SOX6: variants seen among roughly 807,000 people sequenced by gnomAD.
SOX6 encodes the protein transcription factor SOX-6.
Under a neutral mutation model 97.8 loss-of-function variants are expected in SOX6, and 11 were observed. The ratio of observed to expected loss-of-function variants is 0.11; its 90% CI spans 0.07 to 0.19. The LOEUF (loss-of-function observed/expected upper bound fraction) is 0.19, where lower values mean the gene tolerates loss of function less well. Among genes scored for constraint, SOX6 ranks in the 10% least tolerant of loss-of-function variants. The probability of loss-of-function intolerance (pLI) is 1.00; values close to 1 mark genes in which losing one functional copy is unlikely to be tolerated. For synonymous variants in SOX6, 360 were observed against 371.4 expected (o/e 0.97, Z 0.35); for missense variants, 810 against 1,039.5 (o/e 0.78, Z 3.04).
chr11:16,678,339 G>C (rs559333390), intron 3 of SOX6, among the ~76,000 whole-genome samples: 23 of 152,140 alleles, frequency 1.5e-4, no homozygotes, highest in African/African-American at 5.3e-4. Context: ...GTTTTAACAT[G>C]TTATGTTTTC....
At chr11:16,499,172 C>A (rs1470647174) in intron 4 of SOX6, among the ~76,000 whole-genome samples, 1 of 152,182 alleles carries the variant, frequency 6.6e-6, no homozygotes, top group African/African-American at 2.4e-5. Context: ...AACCACTCAA[C>A]CACATGGAAA....
At chr11:16,591,644 T>C (rs1848155252) in intron 4 of SOX6, among the ~76,000 whole-genome samples, 1 of 152,142 alleles carries the variant, frequency 6.6e-6, no homozygotes, top group East Asian at 1.9e-4. Flanking sequence ...TTCTAACCTG[T>C]TTAGTGATGT....
intron 3 of SOX6, among the ~76,000 whole-genome samples, chr11:16,252,872 A>C (rs953209147): frequency 6.6e-6 from 1 of 152,154 alleles, no homozygotes; most frequent in African/African-American, 2.4e-5. Flanking sequence ...TCACAGTCTG[A>C]AGACACAGGC....
intron 1 of SOX6, among the ~76,000 whole-genome samples, chr11:16,439,873 T>C (rs548593143): frequency 1.3e-5 from 2 of 152,286 alleles, no homozygotes; most frequent in South Asian, 2.1e-4. Context: ...ATTCAAGACC[T>C]CACTACACCT....
intron 2 of SOX6, among the ~76,000 whole-genome samples, chr11:16,735,306 T>C (rs114330930): frequency 2.0e-3 from 309 of 152,292 alleles, no homozygotes; most frequent in African/African-American, 7.0e-3. Context: ...CACTGGACAC[T>C]AACCATCACT....
chr11:16,167,962 C>G (rs1022633165), intron 6 of SOX6, among the ~76,000 whole-genome samples: 16 of 152,044 alleles, frequency 1.1e-4, no homozygotes, highest in Non-Finnish European at 1.2e-4. Context: ...CCTCAAAGAC[C>G]AAAGGAGTAT....
At chr11:16,142,158 C>T (rs547032135) in intron 6 of SOX6, among the ~76,000 whole-genome samples, 2 of 152,214 alleles carry the variant, frequency 1.3e-5, no homozygotes, top group South Asian at 4.2e-4. Context: ...ACAAAGCTTC[C>T]AGAGGAACGA....
chr11:16,611,316 C>T (rs993079839), intron 4 of SOX6, among the ~76,000 whole-genome samples: 2 of 152,236 alleles, frequency 1.3e-5, no homozygotes, highest in Non-Finnish European at 2.9e-5. Context: ...AGACTCCTTA[C>T]ACCATCCGGG....
At chr11:16,516,535 G>A (rs1488971347) in intron 4 of SOX6, among the ~76,000 whole-genome samples, 1 of 152,018 alleles carries the variant, frequency 6.6e-6, no homozygotes, top group Non-Finnish European at 1.5e-5. Context: ...TACCATCAGA[G>A]AATACTACAA....
intron 7 of SOX6, among the ~76,000 whole-genome samples, chr11:16,101,252 G>C (rs1298049574): frequency 6.6e-6 from 1 of 151,638 alleles, no homozygotes; most frequent in Non-Finnish European, 1.5e-5. Context: ...AATGCCATAA[G>C]TCTGAATTTG....
chr11:16,157,646 T>C (rs1215748467), intron 6 of SOX6, among the ~76,000 whole-genome samples: 1 of 152,018 alleles, frequency 6.6e-6, no homozygotes, highest in African/African-American at 2.4e-5. Flanking sequence ...CTTTAAACTA[T>C]TGTTCTTAAT....
intron 4 of SOX6, among the ~76,000 whole-genome samples, chr11:16,205,520 A>C (rs1017936801): frequency 6.6e-6 from 1 of 152,128 alleles, no homozygotes; most frequent in Non-Finnish European, 1.5e-5. Flanking sequence ...AAATAACAAG[A>C]AATTATAATT....
rs1423477267 is a variant in SOX6, at chr11:16,373,905, G to A, written c.-4-32653C>T. On this transcript the variant is annotated intron_variant, in intron 1 of 15. Transcript: ENST00000396356. ...GAAGGAAGGGAGGGAGGGAGGAAGG[G>A]AGGGAGAAGGGGAAGGGAGGGAGAA... Among the ~76,000 whole-genome samples the A allele has an allele frequency of 3.6e-5, 5 of 138,184 alleles. No homozygotes were observed. In the Admixed American group the frequency reaches 3.6e-4, roughly 10 times the overall value. 90.7% of individuals were successfully genotyped at this position (138,184 alleles called of 152,430 possible). A position where few individuals can be genotyped will look rare whatever the true frequency, so the allele number is the denominator to read the frequency against.
intron 6 of SOX6, among the ~76,000 whole-genome samples, chr11:16,136,069 A>G (rs982278500): frequency 7.9e-5 from 12 of 152,150 alleles, no homozygotes; most frequent in Non-Finnish European, 1.8e-4. Flanking sequence ...GCAAGGCTGC[A>G]GTGCAGTGGC....
chr11:16,154,360 G>T (rs915377778), intron 6 of SOX6, among the ~76,000 whole-genome samples: 1 of 152,016 alleles, frequency 6.6e-6, no homozygotes, highest in African/African-American at 2.4e-5. Context: ...AACATGCTGC[G>T]ACAAATTACA....
At chr11:16,574,988 T>C (rs4756855) in intron 4 of SOX6, among the ~76,000 whole-genome samples, 148,092 of 151,122 alleles carry the variant, frequency 0.98, 72,644 homozygotes, top group East Asian at 1. Flanking sequence ...TGCAGTGAGC[T>C]GAGATCACAC....
At chr11:16,047,251 G>A (rs1307515850) in intron 11 of SOX6, among the ~76,000 whole-genome samples, 2 of 152,082 alleles carry the variant, frequency 1.3e-5, no homozygotes, top group African/African-American at 4.8e-5. Flanking sequence ...AGAGGGGGCG[G>A]AAGGAATTCA....
chr11:16,002,213 A>G (rs920348273), intron 13 of SOX6, among the ~76,000 whole-genome samples: 1 of 152,208 alleles, frequency 6.6e-6, no homozygotes, highest in African/African-American at 2.4e-5. Context: ...CAAAGGGGCT[A>G]TACTAAAGCC....
chr11:16,440,606 T>A (rs996698927), intron 1 of SOX6, among the ~76,000 whole-genome samples: 1 of 152,204 alleles, frequency 6.6e-6, no homozygotes, highest in Admixed American at 6.5e-5. Context: ...AGTCAGTGTC[T>A]AAAATAGTAC....
Sources: allele counts gnomAD v4.1 joint callset (sites outside exome capture counted in the v4.1 genomes callset), GRCh38; gene constraint gnomAD v4.1.1; transcripts MANE v1.5; gene names NCBI Gene and HGNC (gene_info 2026-07-23, HGNC 2026-07-21).